The following SUSD6 variants were observed in gnomAD, a reference collection of about 807,000 sequenced individuals.
SUSD6 encodes the protein sushi domain-containing protein 6.
A neutral mutation model predicts 28.4 loss-of-function variants in SUSD6; 16 were observed. The observed-to-expected ratio is 0.56, with a 90% CI of 0.38 to 0.86. SUSD6 has a LOEUF of 0.86. Among genes scored for constraint, SUSD6 ranks in the 40% least tolerant of loss-of-function variants. The probability of loss-of-function intolerance (pLI) is 0.00; values close to 1 mark genes in which losing one functional copy is unlikely to be tolerated. For synonymous variants in SUSD6, 147 were observed against 159.6 expected (o/e 0.92, Z 0.59); for missense variants, 341 against 384.2 (o/e 0.89, Z 0.94).
chr14:69,649,900 G>T (rs1012830222), intron 1 of SUSD6, among the ~76,000 whole-genome samples: 1 of 152,112 alleles, frequency 6.6e-6, no homozygotes, highest in Non-Finnish European at 1.5e-5. Context: ...AGACTTCCAG[G>T]CCTCTTGAAT....
At chr14:69,677,678 G>T (rs1233123965) in intron 2 of SUSD6, among the ~76,000 whole-genome samples, 1 of 152,162 alleles carries the variant, frequency 6.6e-6, no homozygotes, top group Admixed American at 6.5e-5. Flanking sequence ...CAATCAGGGG[G>T]TGAGTAGAAA....
At chr14:69,652,715 G>A (rs1264914520) in intron 1 of SUSD6, among the ~76,000 whole-genome samples, 1 of 152,158 alleles carries the variant, frequency 6.6e-6, no homozygotes, top group African/African-American at 2.4e-5. Flanking sequence ...AGCTGCTGCT[G>A]CTGTTGCCTC....
chr14:69,677,795 C>T (rs1428171386), intron 2 of SUSD6, among the ~76,000 whole-genome samples: 1 of 152,154 alleles, frequency 6.6e-6, no homozygotes, highest in Non-Finnish European at 1.5e-5. Flanking sequence ...AAACAATCAC[C>T]AAGTTACCAA....
At chr14:69,700,589 TC>T (rs1416914343) in intron 2 of SUSD6, among the ~76,000 whole-genome samples, 3 of 152,210 alleles carry the variant, frequency 2.0e-5, no homozygotes, top group African/African-American at 4.8e-5. Flanking sequence ...ACCTACATTT[TC>T]CCACTTCAGT....
At chr14:69,638,423 A>AGTGTGTGTGTGTGTGTGT (rs10637124) in intron 1 of SUSD6, among the ~76,000 whole-genome samples, 5 of 139,244 alleles carry the variant, frequency 3.6e-5, no homozygotes, top group Admixed American at 7.2e-5. Context: ...TGGGGTGGGG[A>AGTGTGTGTGTGTGTGTGT]GTGTGTGTGT....
At chr14:69,679,188 G>A (rs753880504) in intron 2 of SUSD6, among the ~76,000 whole-genome samples, 10 of 152,066 alleles carry the variant, frequency 6.6e-5, no homozygotes, top group Non-Finnish European at 1.3e-4. Context: ...GGTTTTCAAG[G>A]ACCTTTGAGA....
At position 69,704,561 on chromosome 14, in the gene SUSD6, T is replaced by C. The variant is rs767669774; in HGVS notation, c.320-43T>C. 6.9e-6 allele frequency: 11 copies of C among 1,582,818 alleles called. No homozygotes were observed. The South Asian group carries it at 1.1e-4, about 17-fold the overall frequency. ...TGTGGGGCCCATCAGCTGTTTTGTG[T>C]ATTTGGGTACAAAACCCTTCTGATG... is the stretch of plus-strand genomic sequence containing the variant. On this transcript the variant is annotated intron_variant, in intron 3 of 5. Transcript: ENST00000342745.
At chr14:69,698,758 TTGAC>T (rs1413133529) in intron 2 of SUSD6, among the ~76,000 whole-genome samples, 1 of 152,200 alleles carries the variant, frequency 6.6e-6, no homozygotes, top group East Asian at 1.9e-4. Context: ...AGGGTGGACT[TTGAC>T]TGAATGCCTA....
At chr14:69,638,815 A>G (rs905401550) in intron 1 of SUSD6, among the ~76,000 whole-genome samples, 1 of 152,144 alleles carries the variant, frequency 6.6e-6, no homozygotes, top group African/African-American at 2.4e-5. Context: ...GCTAGTCAGG[A>G]CTTGCGTAAT....
intron 2 of SUSD6, among the ~76,000 whole-genome samples, chr14:69,687,618 T>A (rs1284148136): frequency 6.6e-6 from 1 of 152,264 alleles, no homozygotes; most frequent in Non-Finnish European, 1.5e-5. Flanking sequence ...ATGTATGTGC[T>A]TTAAACGACA....
chr14:69,637,298 C>T (rs751817260), intron 1 of SUSD6, among the ~76,000 whole-genome samples: 1 of 152,032 alleles, frequency 6.6e-6, no homozygotes, highest in African/African-American at 2.4e-5. Flanking sequence ...CAGTACTTAC[C>T]GCACCATATT....
intron 2 of SUSD6, among the ~76,000 whole-genome samples, chr14:69,700,684 G>A (rs1231460499): frequency 6.6e-6 from 1 of 152,114 alleles, no homozygotes; most frequent in Admixed American, 6.6e-5. Context: ...CCTTTCCTAG[G>A]CTCCCCTATT....
At chr14:69,674,381 G>T (rs532793220) in intron 2 of SUSD6, among the ~76,000 whole-genome samples, 45 of 152,304 alleles carry the variant, frequency 3.0e-4, no homozygotes, top group African/African-American at 1.0e-3. Flanking sequence ...ACTTGGTACA[G>T]TTGTCTTCCT....
chr14:69,628,090 G>A (rs552686918), intron 1 of SUSD6, among the ~76,000 whole-genome samples: 2 of 151,980 alleles, frequency 1.3e-5, no homozygotes, highest in Non-Finnish European at 2.9e-5. Context: ...CTGCCACCAC[G>A]CCCAGGTAAT....
chr14:69,627,611 C>T (rs1227500500), intron 1 of SUSD6, among the ~76,000 whole-genome samples: 1 of 152,050 alleles, frequency 6.6e-6, no homozygotes, highest in Non-Finnish European at 1.5e-5. Context: ...ATTACAGGCG[C>T]CCACCACCAC....
intron 1 of SUSD6, among the ~76,000 whole-genome samples, chr14:69,653,247 G>T (rs1317185465): frequency 6.6e-6 from 1 of 152,182 alleles, no homozygotes; most frequent in Non-Finnish European, 1.5e-5. Context: ...GGGGCTGACG[G>T]TCGAGCTGAG....
intron 1 of SUSD6, among the ~76,000 whole-genome samples, chr14:69,637,808 G>A (rs1463918617): frequency 6.6e-6 from 1 of 152,164 alleles, no homozygotes; most frequent in Non-Finnish European, 1.5e-5. Context: ...CAGCGGGTGG[G>A]GTGAGAGGGG....
At chr14:69,640,817 T>C (rs1201531808) in intron 1 of SUSD6, among the ~76,000 whole-genome samples, 1 of 152,232 alleles carries the variant, frequency 6.6e-6, no homozygotes, top group Admixed American at 6.5e-5. Flanking sequence ...TTTTCCTGTC[T>C]CTTTTCCAGT....
In SUSD6 at chr14:69,658,703, A is replaced by G; in HGVS notation, c.111A>G (p.Gly37=). 6.2e-7 allele frequency: 1 copy of G among 1,613,910 alleles called. No homozygotes were observed. Among genetic ancestry groups the G allele is most frequent in the Non-Finnish European group, 8.5e-7 (1 of 1,179,890 alleles). Residue 37 remains glycine (G), a synonymous_variant, in exon 2 of 6, where the codon GGA becomes GGG. Transcript: ENST00000342745. ...TCCTTTGCACCCTGCTTGGAGACGG[A>G]CTTGCTTCCGGTAAGTCCTGACCTG... ...LVILCTLLGD[G]LASVCPLPPE...
Sources: allele counts gnomAD v4.1 joint callset (sites outside exome capture counted in the v4.1 genomes callset), GRCh38; gene constraint gnomAD v4.1.1; transcripts MANE v1.5; gene names NCBI Gene and HGNC (gene_info 2026-07-23, HGNC 2026-07-21).